LRRTM4: variants seen among roughly 807,000 people sequenced by gnomAD.
LRRTM4 encodes leucine-rich repeat transmembrane neuronal protein 4.
A neutral mutation model predicts 47.6 loss-of-function variants in LRRTM4; 25 were observed. The observed-to-expected ratio is 0.53, with a 90% confidence interval of 0.38 to 0.73. The LOEUF is 0.73. Among genes scored for constraint, LRRTM4 ranks in the 30% least tolerant of loss-of-function variants. LRRTM4 has a pLI of 0.00. For synonymous variants in LRRTM4, 311 were observed against 269.5 expected (o/e 1.15, Z -1.51); for missense variants, 638 against 713.4 (o/e 0.89, Z 1.20).
chr2:77,518,584 T>C lies in LRRTM4; in HGVS notation c.1285A>G (p.Ser429Gly). The C allele has an allele frequency of 6.2e-7, 1 of 1,613,404 alleles. No homozygotes were observed. The highest frequency in any genetic ancestry group is 8.5e-7 in the Non-Finnish European group (1 of 1,179,622). Residue 429 changes from serine to glycine, a missense_variant, in exon 3 of 4, where the codon AGT becomes GGT. By Grantham distance (56) the Ser-to-Gly change is moderately conservative. Transcript: ENST00000409884. The part of the protein sequence containing the change: ...HVSFHKIIAG[S>G]VALFLSVAMI... ...GCCACTGAGAGAAAGAGAGCCACAC[T>C]CCCGGCAATAATTTTGTGAAATGAA...
intron 3 of LRRTM4, among the ~76,000 whole-genome samples, chr2:77,399,433 T>C (rs1225559906): frequency 6.6e-6 from 1 of 151,720 alleles, no homozygotes; most frequent in Non-Finnish European, 1.5e-5. Context: ...AACATTTAAC[T>C]CATAAAAATA....
At chr2:77,038,778 G>C (rs748311262) in intron 3 of LRRTM4, among the ~76,000 whole-genome samples, 2 of 151,406 alleles carry the variant, frequency 1.3e-5, no homozygotes, top group East Asian at 1.9e-4. Context: ...ATTGATAGGG[G>C]AATCAGTTGG....
intron 3 of LRRTM4, among the ~76,000 whole-genome samples, chr2:76,749,693 A>G (rs530767385): frequency 7.3e-4 from 111 of 152,332 alleles, no homozygotes; most frequent in African/African-American, 2.5e-3. Context: ...TAATATAAAA[A>G]GCAGAAAATA....
At chr2:77,419,171 C>CAAA (rs1436986658) in intron 3 of LRRTM4, among the ~76,000 whole-genome samples, 33 of 152,206 alleles carry the variant, frequency 2.2e-4, no homozygotes, top group Middle Eastern at 3.4e-3. Context: ...GTGGATTTAT[C>CAAA]TATTTATTTT....
chr2:77,162,572 G>A (rs976310959), intron 3 of LRRTM4, among the ~76,000 whole-genome samples: 2 of 152,204 alleles, frequency 1.3e-5, no homozygotes, highest in Non-Finnish European at 2.9e-5. Context: ...GCACCTCCCA[G>A]TAGGGACCGA....
intron 3 of LRRTM4, among the ~76,000 whole-genome samples, chr2:77,343,548 C>T (rs1015643814): frequency 6.6e-6 from 1 of 151,540 alleles, no homozygotes; most frequent in Non-Finnish European, 1.5e-5. Context: ...ACTTGGGTAA[C>T]CTGTACTAAA....
intron 3 of LRRTM4, among the ~76,000 whole-genome samples, chr2:77,139,284 G>C (rs1258499208): frequency 6.6e-6 from 1 of 152,160 alleles, no homozygotes; most frequent in Non-Finnish European, 1.5e-5. Flanking sequence ...CCATGATATA[G>C]TGGGCCTCAT....
chr2:77,092,697 T>C (rs1670687215), intron 3 of LRRTM4, among the ~76,000 whole-genome samples: 1 of 144,080 alleles, frequency 6.9e-6, no homozygotes, highest in Non-Finnish European at 1.5e-5. Flanking sequence ...CTACAGGGTC[T>C]GAGAAGGCCA....
At chr2:77,128,148 A>AC (rs1210028173) in intron 3 of LRRTM4, among the ~76,000 whole-genome samples, 1 of 151,490 alleles carries the variant, frequency 6.6e-6, no homozygotes, top group Non-Finnish European at 1.5e-5. Flanking sequence ...GTCTCAAAAA[A>AC]AAAAACAAAA....
intron 3 of LRRTM4, among the ~76,000 whole-genome samples, chr2:77,255,576 T>C (rs1675743297): frequency 6.6e-6 from 1 of 152,068 alleles, no homozygotes; most frequent in African/African-American, 2.4e-5. Flanking sequence ...GCATACACTC[T>C]GACTGCAATG....
At chr2:76,795,655 C>A (rs1340091274) in intron 3 of LRRTM4, among the ~76,000 whole-genome samples, 2 of 152,008 alleles carry the variant, frequency 1.3e-5, no homozygotes, top group Admixed American at 6.6e-5. Flanking sequence ...CATCTCTTGG[C>A]TATTATGAAT....
chr2:77,325,589 C>A (rs1392333254), intron 3 of LRRTM4, among the ~76,000 whole-genome samples: 1 of 152,088 alleles, frequency 6.6e-6, no homozygotes, highest in African/African-American at 2.4e-5. Flanking sequence ...GGCAGTGAGC[C>A]ATTTGCTAAC....
chr2:77,447,358 G>T (rs1285400018), intron 3 of LRRTM4, among the ~76,000 whole-genome samples: 2 of 151,982 alleles, frequency 1.3e-5, no homozygotes, highest in African/African-American at 4.8e-5. Flanking sequence ...AAATATATTT[G>T]CTCATGTGCA....
chr2:77,328,547 G>T (rs1292204204), intron 3 of LRRTM4, among the ~76,000 whole-genome samples: 1 of 151,990 alleles, frequency 6.6e-6, no homozygotes, highest in Admixed American at 6.6e-5. Flanking sequence ...CATTTCATTA[G>T]AAAATGTTCA....
At chr2:76,820,577 A>G (rs930893931) in intron 3 of LRRTM4, among the ~76,000 whole-genome samples, 14 of 151,788 alleles carry the variant, frequency 9.2e-5, no homozygotes, top group African/African-American at 3.4e-4. Flanking sequence ...AGTTTTAGAT[A>G]TGTTGTTAAT....
intron 3 of LRRTM4, among the ~76,000 whole-genome samples, chr2:77,477,802 A>G (rs6756624): frequency 0.32 from 45,514 of 140,644 alleles, 8,045 homozygotes; most frequent in Middle Eastern, 0.36. Flanking sequence ...TCGCACCATC[A>G]CACTCCAGCC....
chr2:77,517,292 T>C, intron 3 of LRRTM4: 1 of 983,310 alleles, frequency 1.0e-6, no homozygotes, highest in South Asian at 4.7e-5. Context: ...ACATGGAAGG[T>C]ACACCTTTAT....
intron 3 of LRRTM4, among the ~76,000 whole-genome samples, chr2:77,311,189 A>C (rs1020268383): frequency 2.6e-5 from 4 of 152,094 alleles, no homozygotes; most frequent in African/African-American, 9.7e-5. Context: ...TTGAAGTGCA[A>C]AGTTGGCTTT....
intron 3 of LRRTM4, among the ~76,000 whole-genome samples, chr2:77,287,786 C>G (rs1314103068): frequency 1.3e-5 from 2 of 152,118 alleles, no homozygotes; most frequent in Non-Finnish European, 2.9e-5. Context: ...TGTGGCTAAT[C>G]TCTTACTATG....
Sources: gnomAD v4.1 joint callset for allele counts (sites outside exome capture counted in the v4.1 genomes callset) on GRCh38, gnomAD v4.1.1 for gene constraint, MANE v1.5 for transcripts, NCBI Gene and HGNC (gene_info 2026-07-23, HGNC 2026-07-21) for gene names.